The following PTER variants were observed in gnomAD, a reference collection of about 807,000 sequenced individuals.
The protein encoded by PTER is phosphotriesterase related, also known as N-acetyltaurine hydrolase.
A neutral mutation model predicts 29.6 loss-of-function variants in PTER; 38 were observed. That is an observed-to-expected ratio of 1.28 (90% confidence interval 0.99 to 1.68). The LOEUF (loss-of-function observed/expected upper bound fraction) is 1.68. PTER is among the 40% of genes most tolerant of loss of function. The pLI is 0.00. For synonymous variants in PTER, 172 were observed against 154.5 expected, an observed-to-expected ratio of 1.11 and a Z score of -0.84; for missense variants, 482 against 427.8, an observed-to-expected ratio of 1.13 and a Z score of -1.12.
At chr10:16,501,347 ACACACACACACACACACACACATG>A (rs1836333905) in intron 3 of PTER, among the ~76,000 whole-genome samples, 1 of 118,680 alleles carries the variant, frequency 8.4e-6, no homozygotes, top group African/African-American at 3.2e-5. Flanking sequence ...ACACACACAC[ACACACACACACACACACACACATG>A]CACACACACA....
chr10:16,516,683 T>G (rs1320295546), downstream of PTER, among the ~76,000 whole-genome samples: 1 of 152,186 alleles, frequency 6.6e-6, no homozygotes, highest in African/African-American at 2.4e-5. Context: ...ACAATAATCC[T>G]TTTAAAAATA....
chr10:16,450,072 A>G (rs1564385309), intron 1 of PTER, among the ~76,000 whole-genome samples: 1 of 152,160 alleles, frequency 6.6e-6, no homozygotes, highest in East Asian at 1.9e-4. Context: ...TCACACCCTT[A>G]ATATCCATTC....
downstream of PTER, chr10:16,514,655 C>A: frequency 6.2e-7 from 1 of 1,613,898 alleles, no homozygotes; most frequent in Non-Finnish European, 8.5e-7. Flanking sequence ...CACACTGTTA[C>A]TGGCATAGTC....
chr10:16,504,115 G>A (rs1372979457), intron 3 of PTER, among the ~76,000 whole-genome samples: 2 of 149,686 alleles, frequency 1.3e-5, no homozygotes, highest in East Asian at 3.9e-4. Context: ...TTCCCATATT[G>A]TTTTCTGCTA....
intron 1 of PTER, among the ~76,000 whole-genome samples, chr10:16,481,772 A>G (rs184857462): frequency 5.3e-5 from 8 of 152,336 alleles, no homozygotes; most frequent in Admixed American, 3.3e-4. Flanking sequence ...CATTTTATCA[A>G]TTTAGCTCAG....
intron 1 of PTER, among the ~76,000 whole-genome samples, chr10:16,447,716 G>T (rs1228885027): frequency 6.6e-6 from 1 of 151,974 alleles, no homozygotes; most frequent in Non-Finnish European, 1.5e-5. Flanking sequence ...ACCATACATC[G>T]TATTTATATA....
At chr10:16,504,968 T>C in intron 3 of PTER, 52 bp from the exon 4 acceptor site, 1 of 1,600,464 alleles carries the variant, frequency 6.2e-7, no homozygotes, top group Non-Finnish European at 8.5e-7. Context: ...AGTATGTACA[T>C]GTGGAAAATG....
chr10:16,477,304 ATGTC>A (rs58626455), intron 1 of PTER, among the ~76,000 whole-genome samples: 3 of 151,474 alleles, frequency 2.0e-5, no homozygotes, highest in Admixed American at 6.6e-5. Flanking sequence ...AGATAGATGG[ATGTC>A]TGTCTGTCTG....
chr10:16,489,382 A>T (rs1468446997), intron 3 of PTER, among the ~76,000 whole-genome samples: 2 of 152,208 alleles, frequency 1.3e-5, no homozygotes, highest in African/African-American at 4.8e-5. Flanking sequence ...TGTAATTGAT[A>T]AATCTAACTT....
intron 3 of PTER, among the ~76,000 whole-genome samples, chr10:16,496,238 ACCAGATCTTT>A (rs1276902568): frequency 6.6e-6 from 1 of 152,140 alleles, no homozygotes; most frequent in Non-Finnish European, 1.5e-5. Flanking sequence ...TCCACAATCC[ACCAGATCTTT>A]CCAAAGGCAA....
chr10:16,499,031 G>T (rs1836229285), intron 3 of PTER, among the ~76,000 whole-genome samples: 1 of 152,210 alleles, frequency 6.6e-6, no homozygotes, highest in African/African-American at 2.4e-5. Flanking sequence ...CTTACCCCTG[G>T]AGGGGCAGCC....
intron 3 of PTER, among the ~76,000 whole-genome samples, chr10:16,489,450 G>A (rs1389432210): frequency 6.6e-6 from 1 of 151,866 alleles, no homozygotes; most frequent in African/African-American, 2.4e-5. Context: ...GTCATTGATA[G>A]GAGGTTATTT....
chr10:16,458,118 C>G (rs903700968), intron 1 of PTER, among the ~76,000 whole-genome samples: 1 of 152,122 alleles, frequency 6.6e-6, no homozygotes, highest in South Asian at 2.1e-4. Flanking sequence ...AAAAGAAACC[C>G]TATTATCTTG....
intron 3 of PTER, among the ~76,000 whole-genome samples, chr10:16,487,849 G>T (rs1209945789): frequency 6.6e-6 from 1 of 152,078 alleles, no homozygotes; most frequent in Non-Finnish European, 1.5e-5. Flanking sequence ...CTGATTATCA[G>T]ACCAGACAGA....
At position 16,484,709 on chromosome 10, in the gene PTER, A is replaced by G. The variant is rs1835621264; in HGVS notation, c.325A>G (p.Thr109Ala). Reference sequence around the variant, plus strand: ...CACTGGGATTAGCCGAGACACACAGACGTTGAAGAGGCTTGCAGAAGAGAC... The same window carrying G: ...CACTGGGATTAGCCGAGACACACAGGCGTTGAAGAGGCTTGCAGAAGAGAC... ...TTTGISRDTQ[T>A]LKRLAEETGV... The change falls in exon 2 of 5, where the codon ACG becomes GCG. Residue 109 changes from threonine to alanine, a missense_variant. Coordinates refer to ENST00000535784, the MANE Select transcript of PTER (RefSeq NM_001261836.2). The G allele has an allele frequency of 6.2e-7, 1 of 1,614,174 alleles. No homozygotes were observed. Among genetic ancestry groups the G allele is most frequent in the African/African-American group, 1.3e-5 (1 of 75,042 alleles).
At chr10:16,495,435 G>T (rs1409546737) in intron 3 of PTER, among the ~76,000 whole-genome samples, 1 of 152,188 alleles carries the variant, frequency 6.6e-6, no homozygotes, top group African/African-American at 2.4e-5. Context: ...CTCCCAAAGT[G>T]CTGGGAGTAT....
At chr10:16,439,815 G>A (rs552884220) in intron 1 of PTER, among the ~76,000 whole-genome samples, 5 of 152,108 alleles carry the variant, frequency 3.3e-5, no homozygotes, top group South Asian at 4.2e-4. Context: ...TTCCCACCTC[G>A]GCCTCCCAAA....
Position 16,505,026 on chromosome 10 carries a change from T to C in PTER, c.705T>C (p.Ile235=), listed in dbSNP as rs752440949. The C allele has an allele frequency of 1.2e-5, 19 of 1,613,826 alleles. No homozygotes were observed. Among genetic ancestry groups the C allele is most frequent in the Non-Finnish European group, 1.6e-5 (19 of 1,179,904 alleles). The change falls in exon 4 of 5, where the codon ATT becomes ATC. Residue 235 remains isoleucine (I), a synonymous_variant. Coordinates refer to ENST00000535784, the MANE Select transcript of PTER (RefSeq NM_001261836.2). ...KTVMSHLDRT[I]LDKKELLEFA... ...TCTGTCGCATTGTTTCTAGGACTAT[T>C]CTTGATAAGAAAGAGCTCTTGGAGT...
Position 16,512,060 on chromosome 10 carries a change from CA to C in PTER, c.*815del, listed in dbSNP as rs201684714. On this transcript the variant is annotated 3_prime_UTR_variant, in exon 5 of 5. Coordinates refer to ENST00000535784, the MANE Select transcript of PTER (RefSeq NM_001261836.2). ...TTTAATTAATTGGTAAGATATAATG[CA>C]AAAAAAAAAAGAGAAATGTTTGCCT... 16,921 of 142,134 alleles carry C rather than the reference CA, an allele frequency of 0.12. 1,125 individuals are homozygous for C. Among genetic ancestry groups the C allele is most frequent in the East Asian group, 0.23 (1,160 of 4,944 alleles). 8.8% of individuals were successfully genotyped at this position (142,134 alleles called of 1,614,324 possible). A position where few individuals can be genotyped will look rare whatever the true frequency, so the allele number is the denominator to read the frequency against.
Sources: allele counts gnomAD v4.1 joint callset (sites outside exome capture counted in the v4.1 genomes callset), GRCh38; gene constraint gnomAD v4.1.1; transcripts MANE v1.5; gene names NCBI Gene and HGNC (gene_info 2026-07-23, HGNC 2026-07-21).